RORA: variants seen among roughly 807,000 people sequenced by gnomAD.
RORA encodes the protein RAR related orphan receptor A, also known as nuclear receptor ROR-alpha.
RORA carries 7 observed loss-of-function variants against 69.5 expected under a neutral mutation model. That is an observed-to-expected ratio of 0.10 (90% CI 0.06 to 0.19). The LOEUF (loss-of-function observed/expected upper bound fraction) is 0.19. Ranked by LOEUF, RORA falls within the 10% of genes least tolerant of loss-of-function variation. The probability of loss-of-function intolerance (pLI) is 1.00; values close to 1 mark genes in which losing one functional copy is unlikely to be tolerated. For synonymous variants in RORA, 261 were observed against 240.8 expected (o/e 1.08, Z -0.78); for missense variants, 457 against 663.0 (o/e 0.69, Z 3.41).
At chr15:61,175,417 A>C (rs2140897742) in intron 1 of RORA, among the ~76,000 whole-genome samples, 1 of 151,942 alleles carries the variant, frequency 6.6e-6, no homozygotes, top group East Asian at 1.9e-4. Context: ...TCTCATTTTA[A>C]AGATAGGGGC....
chr15:61,228,755 C>T (rs959319389), intron 1 of RORA, among the ~76,000 whole-genome samples: 6 of 152,086 alleles, frequency 3.9e-5, no homozygotes, highest in African/African-American at 1.4e-4. Flanking sequence ...GGCAACGCAG[C>T]TTTCCTCCAG....
intron 2 of RORA, chr15:60,630,636 A>C (rs2069714518): frequency 6.6e-6 from 1 of 152,242 alleles, no homozygotes; most frequent in Non-Finnish European, 1.5e-5. Context: ...TCAGACCAAG[A>C]AACCAAGGAG....
chr15:60,831,121 C>G (rs981553965), intron 1 of RORA, among the ~76,000 whole-genome samples: 4 of 152,190 alleles, frequency 2.6e-5, no homozygotes, highest in Non-Finnish European at 4.4e-5. Context: ...TAAGCTGTGT[C>G]TTCCGCTCTC....
chr15:60,947,890 C>T (rs942423762), intron 1 of RORA, among the ~76,000 whole-genome samples: 11 of 152,000 alleles, frequency 7.2e-5, no homozygotes, highest in Non-Finnish European at 1.5e-4. Flanking sequence ...GGCCTTGGGG[C>T]CTCAGGGGCA....
At chr15:60,658,620 A>G (rs1157733434) in intron 2 of RORA, among the ~76,000 whole-genome samples, 1 of 152,176 alleles carries the variant, frequency 6.6e-6, no homozygotes. Context: ...GAGGGTTGCT[A>G]TTTGTAAAAC....
At chr15:60,928,154 T>C (rs1209434068) in intron 1 of RORA, among the ~76,000 whole-genome samples, 1 of 152,172 alleles carries the variant, frequency 6.6e-6, no homozygotes, top group Non-Finnish European at 1.5e-5. Flanking sequence ...TAAATCCCTT[T>C]AAATGTTCCT....
intron 1 of RORA, among the ~76,000 whole-genome samples, chr15:60,985,732 G>A (rs770976683): frequency 1.3e-4 from 20 of 150,832 alleles, no homozygotes; most frequent in South Asian, 2.1e-4. Context: ...CTACAGGTGC[G>A]CGCCACCATG....
intron 1 of RORA, among the ~76,000 whole-genome samples, chr15:60,808,027 T>C (rs2072683094): frequency 6.6e-6 from 1 of 152,192 alleles, no homozygotes; most frequent in Non-Finnish European, 1.5e-5. Flanking sequence ...AAAGACTTCA[T>C]GACCAAGAAC....
chr15:61,002,975 C>CAA (rs59966691), intron 1 of RORA, among the ~76,000 whole-genome samples: 8,499 of 116,888 alleles, frequency 0.073, 706 homozygotes, highest in African/African-American at 0.2. Flanking sequence ...ACTAAAAATA[C>CAA]AAAAAAAAAA....
At chr15:61,059,397 A>T (rs949731217) in intron 1 of RORA, among the ~76,000 whole-genome samples, 2 of 152,238 alleles carry the variant, frequency 1.3e-5, no homozygotes, top group Non-Finnish European at 2.9e-5. Flanking sequence ...ATGTTTATTC[A>T]ACTGTAGATA....
rs561673239 is a variant in RORA at position 60,749,837 on chromosome 15, G to A, written c.167-71151C>T. Among the ~76,000 whole-genome samples the A allele has an allele frequency of 4.1e-4, 63 of 152,232 alleles. 1 individual carries two copies. The highest frequency in any genetic ancestry group is 9.2e-4 in the Admixed American group (14 of 15,296). ...GAGCCCAGGAGTTCAAGATCAGCCTGGACAACATAGTGAGACCCCGTCTCT... is the reference window on the plus strand; with the variant it reads ...GAGCCCAGGAGTTCAAGATCAGCCTAGACAACATAGTGAGACCCCGTCTCT... On this transcript the variant is annotated intron_variant, in intron 1 of 10. Transcript: ENST00000335670.
intron 1 of RORA, among the ~76,000 whole-genome samples, chr15:61,142,710 C>T (rs1455009669): frequency 6.6e-6 from 1 of 152,180 alleles, no homozygotes; most frequent in South Asian, 2.1e-4. Context: ...AAGAACAGAA[C>T]TTTTACCTCT....
At chr15:61,205,221 A>T (rs2079929644) in intron 1 of RORA, among the ~76,000 whole-genome samples, 1 of 152,230 alleles carries the variant, frequency 6.6e-6, no homozygotes, top group Non-Finnish European at 1.5e-5. Context: ...GGCTGAATAA[A>T]GCCATTCCTC....
chr15:60,631,817 A>G (rs2069743304), intron 2 of RORA, among the ~76,000 whole-genome samples: 2 of 152,058 alleles, frequency 1.3e-5, no homozygotes, highest in Non-Finnish European at 2.9e-5. Context: ...AGAGGGAATT[A>G]CTCCGCAGCA....
chr15:61,198,534 G>C (rs983778784), intron 1 of RORA, among the ~76,000 whole-genome samples: 2 of 152,132 alleles, frequency 1.3e-5, no homozygotes, highest in African/African-American at 4.8e-5. Flanking sequence ...AGACTGAACA[G>C]AAATTTTCAA....
chr15:60,853,499 T>C (rs1191135501), intron 1 of RORA, among the ~76,000 whole-genome samples: 1 of 152,140 alleles, frequency 6.6e-6, no homozygotes, highest in Non-Finnish European at 1.5e-5. Context: ...ATTGCTGACT[T>C]AATTGGGTGC....
At position 61,096,128 on chromosome 15, in the gene RORA, T is replaced by C. The variant is rs79156357; in HGVS notation, c.166+132925A>G. On this transcript the variant is annotated intron_variant, in intron 1 of 10. Transcript: ENST00000335670. ...TGCAGATGAGGAAGGCAAGACCCCA[T>C]GCGGACAGCACCTTACCAGGCCCAC... is the stretch of plus-strand genomic sequence containing the variant. Among the ~76,000 whole-genome samples the C allele has an allele frequency of 2.0e-3, 300 of 152,288 alleles. 7 individuals are homozygous for C. In the East Asian group the frequency reaches 0.054, roughly 28 times the overall value.
At position 60,947,758 on chromosome 15, in the gene RORA, C is replaced by A. The variant is rs544206584; in HGVS notation, c.167-269072G>T. 3.3e-5 allele frequency among the ~76,000 whole-genome samples: 5 copies of A among 149,876 alleles called. No homozygotes were observed. The South Asian group carries it at 6.3e-4, about 19-fold the overall frequency. ...TCCAGAAGTCATGGGTAGCACCTGGCTAGTGCAAAGTGCAGTCTTGGGTGC... is the reference window on the plus strand; with the variant it reads ...TCCAGAAGTCATGGGTAGCACCTGGATAGTGCAAAGTGCAGTCTTGGGTGC... On this transcript the variant is annotated intron_variant, in intron 1 of 10. Coordinates refer to ENST00000335670, the MANE Select transcript of RORA (RefSeq NM_134261.3).
At chr15:60,543,170 CTTTTTTTTTTTTTT>C (rs200401959) in intron 2 of RORA, among the ~76,000 whole-genome samples, 29 of 125,418 alleles carry the variant, frequency 2.3e-4, no homozygotes, top group African/African-American at 7.6e-4. Context: ...AAAGTGAAAA[CTTTTTTTTTTTTTT>C]TTTTTTTTTT....
Sources: allele counts gnomAD v4.1 joint callset (sites outside exome capture counted in the v4.1 genomes callset), GRCh38; gene constraint gnomAD v4.1.1; transcripts MANE v1.5; gene names NCBI Gene and HGNC (gene_info 2026-07-23, HGNC 2026-07-21).